SMTN: variants seen among roughly 807,000 people sequenced by gnomAD.
SMTN encodes the protein smoothelin.
SMTN carries 58 observed loss-of-function variants against 102.0 expected under a neutral mutation model. That is an observed-to-expected ratio of 0.57 (90% CI 0.46 to 0.71). SMTN has a LOEUF of 0.71. Ranked by LOEUF, SMTN falls within the 30% of genes least tolerant of loss-of-function variation. The pLI is 0.00. For synonymous variants in SMTN, 478 were observed against 497.9 expected (o/e 0.96, Z 0.53); for missense variants, 1,185 against 1,241.7 (o/e 0.95, Z 0.69).
chr22:31,094,343 C>G (rs368555021), intron 11 of SMTN, among the ~76,000 whole-genome samples: 4 of 152,148 alleles, frequency 2.6e-5, no homozygotes, highest in African/African-American at 9.7e-5. Context: ...CAGAGGAGAG[C>G]TTCATAGAGG....
intron 2 of SMTN, chr22:31,084,889 C>T: frequency 8.5e-7 from 1 of 1,181,716 alleles, no homozygotes; most frequent in South Asian, 2.0e-5. Flanking sequence ...CCGGCCCGGC[C>T]CCCGCTGGCC....
chr22:31,070,446 T>C (rs1297948812), intron 1 of SMTN, among the ~76,000 whole-genome samples: 3 of 152,032 alleles, frequency 2.0e-5, no homozygotes, highest in African/African-American at 7.3e-5. Context: ...TTCTGGAGAT[T>C]GTTCCTGCCT....
intron 11 of SMTN, among the ~76,000 whole-genome samples, chr22:31,094,667 T>TGG (rs2043427555): frequency 7.0e-5 from 6 of 85,920 alleles, no homozygotes; most frequent in Non-Finnish European, 1.3e-4. Flanking sequence ...CCCTTCTGTT[T>TGG]TTTTTTTTTT....
chr22:31,091,412 C>A lies in SMTN; in HGVS notation c.1389C>A (p.Ile463=). The part of the protein sequence containing the change: ...PGGSMKTTFT[I]EIKDGRGQAS... ...GCAGTATGAAGACCACATTCACCAT[C>A]GAGATCAAGGACGGCCGTGGCCAGG... is the stretch of plus-strand genomic sequence containing the variant. The change falls in exon 10 of 21, where the codon ATC becomes ATA. Residue 463 remains isoleucine (I), a synonymous_variant. Transcript: ENST00000333137. 1 of 1,572,302 alleles carries A rather than the reference C, an allele frequency of 6.4e-7. No individual in the cohort carries two copies. The highest frequency in any genetic ancestry group is 8.6e-7 in the Non-Finnish European group (1 of 1,164,570).
chr22:31,090,788 C>A lies in SMTN; in HGVS notation c.866-20C>A, dbSNP rs116008180. On this transcript the variant is annotated intron_variant, in intron 8 of 20. Coordinates refer to ENST00000333137, the MANE Select transcript of SMTN (RefSeq NM_134269.3). Reference sequence around the variant, plus strand: ...TTTCTCTTTCCCCACATGGCCATCACCCCCTCCCCAACCTGCCAGACGTGG... The same window carrying A: ...TTTCTCTTTCCCCACATGGCCATCAACCCCTCCCCAACCTGCCAGACGTGG... 2,914 of 1,598,328 alleles carry A rather than the reference C, an allele frequency of 1.8e-3. 28 individuals are homozygous for A. In the African/African-American group the frequency reaches 0.027, roughly 15 times the overall value.
At chr22:31,088,176 G>T in intron 3 of SMTN, 63 bp downstream of exon 3, 1 of 1,523,668 alleles carries the variant, frequency 6.6e-7, no homozygotes, top group Non-Finnish European at 8.9e-7. Context: ...CTCAGCTCAT[G>T]TGTGCAGGCA....
chr22:31,098,549 T>G, intron 16 of SMTN, 118 bp from the exon 17 acceptor site: 1 of 946,860 alleles, frequency 1.1e-6, no homozygotes, highest in Non-Finnish European at 1.6e-6. Context: ...CTGGCAGGCG[T>G]TTGTGGCAGT....
At chr22:31,101,114 G>A in intron 20 of SMTN, 65 bp downstream of exon 20, 1 of 1,453,038 alleles carries the variant, frequency 6.9e-7, no homozygotes, top group Non-Finnish European at 9.3e-7. Context: ...GGCCAGAGAG[G>A]GTCCAGGGAG....
chr22:31,081,051 GC>G (rs964001382), upstream of SMTN, among the ~76,000 whole-genome samples: 64 of 151,426 alleles, frequency 4.2e-4, no homozygotes, highest in African/African-American at 1.1e-3. Context: ...GGCTCGGGGC[GC>G]CCCCCCCGAC....
rs773289799 is a variant in SMTN at position 31,089,841 on chromosome 22, C to G, written c.614C>G (p.Pro205Arg). ...AGCACATCCAGCTCACCTGCCTCACCCAGCAGTTCACCCACCCCTGCCTCT... is the reference window on the plus strand; with the variant it reads ...AGCACATCCAGCTCACCTGCCTCACGCAGCAGTTCACCCACCCCTGCCTCT... ...PGSTSSSPASPSSSPTPASPE... is the reference protein window; with the variant it reads ...PGSTSSSPASRSSSPTPASPE... Residue 205 changes from proline (P) to arginine (R), a missense_variant, in exon 7 of 21, where the codon CCC becomes CGC. By Grantham distance (103) the Pro-to-Arg change is moderately radical. This residue lies in a region of SMTN where 1,096 missense variants were observed against 1,112.7 expected (regional missense o/e 0.98). Transcript: ENST00000333137. 4 of 1,613,884 alleles carry G rather than the reference C, an allele frequency of 2.5e-6. No individual in the cohort carries two copies. The South Asian group carries it at 4.4e-5, about 18-fold the overall frequency.
At chr22:31,097,474 T>C (rs5753458) in intron 16 of SMTN, 136 bp downstream of exon 16, 528,138 of 740,698 alleles carry the variant, frequency 0.71, 191,196 homozygotes, top group African/African-American at 0.92. Flanking sequence ...GAGGCCGAGG[T>C]GGGCGGATCA....
At chr22:31,089,669 C>A (rs758121304) in intron 6 of SMTN, 30 bp from the exon 7 acceptor site, 10 of 1,572,680 alleles carry the variant, frequency 6.4e-6, no homozygotes, top group Non-Finnish European at 8.6e-6. Context: ...GCCTAGGGAG[C>A]CTTGGTTGCA....
chr22:31,093,646 C>T (rs758855165), intron 11 of SMTN: 11 of 779,328 alleles, frequency 1.4e-5, no homozygotes, highest in East Asian at 2.5e-5. Flanking sequence ...AGCACTGAGC[C>T]GGCGGCTGGA....
rs372943784 is a variant in SMTN at position 31,101,039 on chromosome 22, G to A, written c.*10G>A. On this transcript the variant is annotated 3_prime_UTR_variant, in exon 20 of 21. Coordinates refer to ENST00000333137, the MANE Select transcript of SMTN (RefSeq NM_134269.3). The stretch of plus-strand genomic sequence containing the variant: ...AACCAAAAAGTCCTAACCCCTGCTC[G>A]GGGCCCCACGGTGAGAAACGCCGCC... 3.0e-4 allele frequency: 483 copies of A among 1,598,718 alleles called. 2 individuals carry two copies. The African/African-American group carries it at 5.0e-3, about 16-fold the overall frequency.
At chr22:31,089,537 C>T in intron 6 of SMTN, 162 bp from the exon 7 acceptor site, 1 of 654,276 alleles carries the variant, frequency 1.5e-6, no homozygotes, top group South Asian at 1.8e-5. Context: ...CTGCCCTTAG[C>T]ATGCCAGTGC....
Position 31,093,737 on chromosome 22 carries a change from C to T in SMTN, c.1633-1566C>T, listed in dbSNP as rs766044087. 3 of 1,406,762 alleles carry T rather than the reference C, an allele frequency of 2.1e-6. No individual in the cohort carries two copies. In the South Asian group the frequency reaches 3.5e-5, roughly 16 times the overall value. The allele number at this position is 1,406,762 out of a possible 1,614,324, so 87.1% of individuals were successfully genotyped here. A position where few individuals can be genotyped will look rare whatever the true frequency, so the allele number is the denominator to read the frequency against. ...TCCGGCCTTGAGCCTGAGCTGGAGC[C>T]CAGCGAGCTGCTCCTGGCTGCCGCC... On this transcript the variant is annotated intron_variant, in intron 11 of 20. Coordinates refer to ENST00000333137, the MANE Select transcript of SMTN (RefSeq NM_134269.3).
chr22:31,090,318 AC>A, intron 8 of SMTN, 138 bp downstream of exon 8: 1 of 645,808 alleles, frequency 1.5e-6, no homozygotes, highest in Non-Finnish European at 2.6e-6. Flanking sequence ...ACTGCACCCC[AC>A]CCCTGAAGTG....
chr22:31,090,499 C>T (rs1334403020), intron 8 of SMTN, among the ~76,000 whole-genome samples: 3 of 152,170 alleles, frequency 2.0e-5, no homozygotes, highest in African/African-American at 7.2e-5. Flanking sequence ...TGTCCCCCCT[C>T]CCCATCTGCA....
At chr22:31,067,597 C>G (rs2041887434) in intron 1 of SMTN, 1 of 143,594 alleles carries the variant, frequency 7.0e-6, no homozygotes, top group Non-Finnish European at 1.5e-5. Flanking sequence ...CTCTGTTGCC[C>G]AGGCTGGAGT....
Sources: allele counts gnomAD v4.1 joint callset (sites outside exome capture counted in the v4.1 genomes callset), GRCh38; gene constraint gnomAD v4.1.1; regional missense constraint gnomAD v4.1.1; transcripts MANE v1.5; gene names NCBI Gene and HGNC (gene_info 2026-07-23, HGNC 2026-07-21).